CACNA2D3: variants seen among roughly 807,000 people sequenced by gnomAD.
CACNA2D3 encodes the protein voltage-dependent calcium channel subunit alpha-2/delta-3.
Under a neutral mutation model 160.6 loss-of-function variants are expected in CACNA2D3, and 60 were observed. That is an observed-to-expected ratio of 0.37 (90% CI 0.30 to 0.46). The LOEUF (loss-of-function observed/expected upper bound fraction) is 0.46, where lower values mean the gene tolerates loss of function less well. Among genes scored for constraint, CACNA2D3 ranks in the 20% least tolerant of loss-of-function variants. The probability of loss-of-function intolerance (pLI) is 1.00; values close to 1 mark genes in which losing one functional copy is unlikely to be tolerated. For missense variants in CACNA2D3, 1,205 were observed against 1,365.0 expected (o/e 0.88, Z 1.85); for synonymous variants, 558 against 492.9 (o/e 1.13, Z -1.75).
At chr3:54,746,966 G>A (rs1419420133) in intron 11 of CACNA2D3, among the ~76,000 whole-genome samples, 1 of 152,070 alleles carries the variant, frequency 6.6e-6, no homozygotes, top group Non-Finnish European at 1.5e-5. Flanking sequence ...GTTGACACAA[G>A]CTTTTTAAAA....
At chr3:54,571,572 G>C (rs1702497473) in intron 8 of CACNA2D3, among the ~76,000 whole-genome samples, 1 of 151,846 alleles carries the variant, frequency 6.6e-6, no homozygotes, top group African/African-American at 2.4e-5. Flanking sequence ...AGGCTCGTCA[G>C]AGTGAGCCTG....
chr3:54,308,643 C>T (rs868182576), intron 2 of CACNA2D3, among the ~76,000 whole-genome samples: 7 of 152,268 alleles, frequency 4.6e-5, no homozygotes, highest in African/African-American at 1.7e-4. Flanking sequence ...TGGCTAGTAT[C>T]CCCTTAACTA....
chr3:54,374,660 G>A (rs1326776929), intron 3 of CACNA2D3, among the ~76,000 whole-genome samples: 1 of 152,182 alleles, frequency 6.6e-6, no homozygotes, highest in Non-Finnish European at 1.5e-5. Flanking sequence ...CCTGGAGGCA[G>A]TACCAGGTAG....
chr3:54,343,229 G>A (rs1346025056), intron 3 of CACNA2D3, among the ~76,000 whole-genome samples: 1 of 152,034 alleles, frequency 6.6e-6, no homozygotes, highest in African/African-American at 2.4e-5. Context: ...GCAAATTCCT[G>A]GGCCCTACCC....
At chr3:54,138,679 G>A (rs556990268) in intron 2 of CACNA2D3, among the ~76,000 whole-genome samples, 5 of 152,088 alleles carry the variant, frequency 3.3e-5, no homozygotes, top group East Asian at 1.9e-4. Flanking sequence ...TGAGGATATC[G>A]TTTAAGTTAA....
chr3:54,377,279 C>T (rs905728403), intron 3 of CACNA2D3, among the ~76,000 whole-genome samples: 1 of 152,122 alleles, frequency 6.6e-6, no homozygotes, highest in African/African-American at 2.4e-5. Context: ...TTCTGAAAAC[C>T]CGCCCTTAAG....
At chr3:54,248,481 CAAA>C (rs577393882) in intron 2 of CACNA2D3, among the ~76,000 whole-genome samples, 2 of 44,422 alleles carry the variant, frequency 4.5e-5, no homozygotes, top group Non-Finnish European at 9.8e-5. Context: ...AACTCCATCT[CAAA>C]AAAAAAAAAA....
chr3:54,870,939 G>A (rs1474875366), intron 17 of CACNA2D3, among the ~76,000 whole-genome samples: 3 of 152,064 alleles, frequency 2.0e-5, no homozygotes, highest in Non-Finnish European at 4.4e-5. Flanking sequence ...AAAAGGTAGA[G>A]GAGAGAGAAT....
At chr3:54,208,341 C>G (rs1353606844) in intron 2 of CACNA2D3, among the ~76,000 whole-genome samples, 1 of 152,178 alleles carries the variant, frequency 6.6e-6, no homozygotes, top group African/African-American at 2.4e-5. Flanking sequence ...CTCCTGACCT[C>G]AAGTGATCTG....
chr3:54,481,326 G>C (rs537916142), intron 4 of CACNA2D3, among the ~76,000 whole-genome samples: 1 of 152,206 alleles, frequency 6.6e-6, no homozygotes, highest in African/African-American at 2.4e-5. Context: ...TGTGTTTCCA[G>C]TGTGTTCCTG....
At chr3:54,732,210 G>C (rs1378581680) in intron 11 of CACNA2D3, among the ~76,000 whole-genome samples, 1 of 152,202 alleles carries the variant, frequency 6.6e-6, no homozygotes, top group Non-Finnish European at 1.5e-5. Context: ...TACATGATTT[G>C]GACAGTGCGA....
chr3:54,241,146 G>T (rs1212019602), intron 2 of CACNA2D3, among the ~76,000 whole-genome samples: 1 of 152,156 alleles, frequency 6.6e-6, no homozygotes, highest in Non-Finnish European at 1.5e-5. Flanking sequence ...GGCCCTCTTG[G>T]GGTCAGTCTA....
intron 5 of CACNA2D3, among the ~76,000 whole-genome samples, chr3:54,535,610 A>AT (rs1265359012): frequency 2.0e-5 from 3 of 152,200 alleles, no homozygotes; most frequent in African/African-American, 7.2e-5. Flanking sequence ...ATTGATTTAC[A>AT]TTTCCAATAA....
chr3:54,647,191 G>A (rs1166401509), intron 11 of CACNA2D3, among the ~76,000 whole-genome samples: 1 of 152,150 alleles, frequency 6.6e-6, no homozygotes, highest in African/African-American at 2.4e-5. Context: ...CAGCTTGTTT[G>A]TGCCCCAACT....
intron 31 of CACNA2D3, among the ~76,000 whole-genome samples, chr3:54,994,062 C>A (rs1319009986): frequency 6.6e-6 from 1 of 152,036 alleles, no homozygotes; most frequent in African/African-American, 2.4e-5. Flanking sequence ...TCGCTGCACC[C>A]CACAAGTGTT....
chr3:54,645,692 C>G (rs943468910), intron 11 of CACNA2D3, among the ~76,000 whole-genome samples: 6 of 152,172 alleles, frequency 3.9e-5, no homozygotes, highest in African/African-American at 1.4e-4. Context: ...CCGGAGCCTT[C>G]CCTCTTCTTC....
At chr3:54,850,567 T>A (rs931911822) in intron 17 of CACNA2D3, among the ~76,000 whole-genome samples, 5 of 152,164 alleles carry the variant, frequency 3.3e-5, no homozygotes, top group Non-Finnish European at 5.9e-5. Context: ...AGCGGATTGG[T>A]CATCCATCTG....
intron 4 of CACNA2D3, among the ~76,000 whole-genome samples, chr3:54,403,395 A>G (rs966092243): frequency 2.4e-4 from 34 of 140,138 alleles, no homozygotes; most frequent in South Asian, 4.7e-4. Context: ...ACACACACAC[A>G]CACGCACACA....
chr3:54,473,963 G>A (rs779945342), intron 4 of CACNA2D3, among the ~76,000 whole-genome samples: 6 of 152,204 alleles, frequency 3.9e-5, no homozygotes, highest in Non-Finnish European at 8.8e-5. Flanking sequence ...GTGTAAATTA[G>A]TTCAACCATT....
Sources: allele counts gnomAD v4.1 joint callset (sites outside exome capture counted in the v4.1 genomes callset), GRCh38; gene constraint gnomAD v4.1.1; transcripts MANE v1.5; gene names NCBI Gene and HGNC (gene_info 2026-07-23, HGNC 2026-07-21).